Variants in RNF150 observed in about 807,000 individuals in gnomAD.
The protein encoded by RNF150 is ring finger protein 150.
A neutral mutation model predicts 39.3 loss-of-function variants in RNF150; 24 were observed. The ratio of observed to expected loss-of-function variants is 0.61; its 90% CI spans 0.44 to 0.86. The LOEUF (loss-of-function observed/expected upper bound fraction) is 0.86. Among genes scored for constraint, RNF150 ranks in the 40% least tolerant of loss-of-function variants. The probability of loss-of-function intolerance (pLI) is 0.00; values close to 1 mark genes in which losing one functional copy is unlikely to be tolerated. For missense variants in RNF150, 502 were observed against 587.8 expected (o/e 0.85, Z 1.51); for synonymous variants, 255 against 227.3 (o/e 1.12, Z -1.10).
intron 1 of RNF150, among the ~76,000 whole-genome samples, chr4:140,971,897 C>G (rs1380059362): frequency 6.6e-6 from 1 of 152,066 alleles, no homozygotes; most frequent in Non-Finnish European, 1.5e-5. Flanking sequence ...TCCCTGGGAC[C>G]CTGGAGAGTG....
intron 1 of RNF150, among the ~76,000 whole-genome samples, chr4:141,038,898 G>A (rs1268511286): frequency 6.6e-6 from 1 of 152,070 alleles, no homozygotes; most frequent in Non-Finnish European, 1.5e-5. Flanking sequence ...GAGCAGATAG[G>A]AGCAATAGCC....
At position 140,949,674 on chromosome 4, in the gene RNF150, A is replaced by ACC. The variant is rs376036137; in HGVS notation, c.736-304_736-303dup. On this transcript the variant is annotated intron_variant, in intron 2 of 6. Transcript: ENST00000515673. Reference sequence around the variant, plus strand: ...AGTGCAGGTTATATGTGCATACACTACCCCCCCCCAAAAAAAAATGAGTTT... The same window carrying ACC: ...AGTGCAGGTTATATGTGCATACACTACCCCCCCCCCCAAAAAAAAATGAGTTT... Among the ~76,000 whole-genome samples the ACC allele has an allele frequency of 4.0e-3, 420 of 104,742 alleles. 1 individual carries two copies. Among genetic ancestry groups the ACC allele is most frequent in the Admixed American group, 8.2e-3 (79 of 9,578 alleles). The allele number at this position is 104,742 out of a possible 152,430, so 68.7% of individuals were successfully genotyped here. A position where few individuals can be genotyped will look rare whatever the true frequency, so the allele number is the denominator to read the frequency against.
At chr4:141,202,151 C>T (rs1198564409) in intron 1 of RNF150, among the ~76,000 whole-genome samples, 1 of 152,062 alleles carries the variant, frequency 6.6e-6, no homozygotes, top group Non-Finnish European at 1.5e-5. Context: ...GTTATAACAG[C>T]ACAAATGGAG....
At chr4:140,919,652 C>T in intron 5 of RNF150, among the ~76,000 whole-genome samples, 1 of 150,438 alleles carries the variant, frequency 6.6e-6, no homozygotes, top group East Asian at 2.0e-4. Flanking sequence ...CATCAAGCTA[C>T]CAATGACTTT....
intron 6 of RNF150, among the ~76,000 whole-genome samples, chr4:140,876,950 A>C (rs1176731763): frequency 6.6e-6 from 1 of 152,256 alleles, no homozygotes; most frequent in African/African-American, 2.4e-5. Context: ...TTGCGGTCAA[A>C]TTAGGAAAAT....
At chr4:140,899,968 C>CTGTGTGTGTGTGTG (rs1216982458) in intron 6 of RNF150, among the ~76,000 whole-genome samples, 8 of 117,336 alleles carry the variant, frequency 6.8e-5, no homozygotes, top group African/African-American at 2.3e-4. Context: ...CTCTCTCTCT[C>CTGTGTGTGTGTGTG]TCTCTCTGTG....
intron 1 of RNF150, among the ~76,000 whole-genome samples, chr4:141,089,485 A>G (rs1738496106): frequency 6.6e-6 from 1 of 152,180 alleles, no homozygotes; most frequent in Non-Finnish European, 1.5e-5. Flanking sequence ...GTGACCGAAA[A>G]CTTACGACTT....
chr4:140,920,712 A>G (rs1411010650), intron 5 of RNF150, among the ~76,000 whole-genome samples: 1 of 152,180 alleles, frequency 6.6e-6, no homozygotes, highest in East Asian at 1.9e-4. Context: ...ATTATAAACC[A>G]TGCTGCTATA....
intron 1 of RNF150, among the ~76,000 whole-genome samples, chr4:141,055,899 C>G (rs546806924): frequency 6.6e-6 from 1 of 152,262 alleles, no homozygotes; most frequent in Non-Finnish European, 1.5e-5. Context: ...TATTCATATA[C>G]CCCACACACA....
chr4:141,029,544 T>C (rs1006051816), intron 1 of RNF150, among the ~76,000 whole-genome samples: 2 of 152,216 alleles, frequency 1.3e-5, no homozygotes, highest in African/African-American at 2.4e-5. Flanking sequence ...TTGAAAGCAT[T>C]GCCCTTACTA....
chr4:141,030,341 A>G (rs1735891803), intron 1 of RNF150, among the ~76,000 whole-genome samples: 1 of 152,150 alleles, frequency 6.6e-6, no homozygotes, highest in African/African-American at 2.4e-5. Flanking sequence ...AAAAACATGT[A>G]CACTGTTGAT....
intron 1 of RNF150, among the ~76,000 whole-genome samples, chr4:141,125,477 G>T (rs1726723905): frequency 6.6e-6 from 1 of 152,116 alleles, no homozygotes; most frequent in African/African-American, 2.4e-5. Context: ...CAATCTCTCA[G>T]CAACAAGTAA....
chr4:141,073,015 C>T (rs1444186906), intron 1 of RNF150, among the ~76,000 whole-genome samples: 1 of 151,972 alleles, frequency 6.6e-6, no homozygotes, highest in African/African-American at 2.4e-5. Flanking sequence ...GAGGAAGTAC[C>T]CACACAAGTT....
At chr4:141,159,603 C>T (rs1190865782) in intron 1 of RNF150, among the ~76,000 whole-genome samples, 17 of 152,100 alleles carry the variant, frequency 1.1e-4, no homozygotes, top group East Asian at 1.9e-4. Flanking sequence ...AGTGCAGTGG[C>T]GCAATCATGG....
intron 1 of RNF150, among the ~76,000 whole-genome samples, chr4:141,144,011 A>C (rs752315212): frequency 6.6e-6 from 1 of 152,126 alleles, no homozygotes; most frequent in African/African-American, 2.4e-5. Context: ...CTTGCTTTTT[A>C]TACTCTCTGC....
chr4:140,880,528 GTGTCC>G (rs1331485586), intron 6 of RNF150, among the ~76,000 whole-genome samples: 1 of 149,832 alleles, frequency 6.7e-6, no homozygotes, highest in African/African-American at 2.4e-5. Context: ...TAGTTTAGAA[GTGTCC>G]CCTCCTCTCC....
intron 1 of RNF150, among the ~76,000 whole-genome samples, chr4:141,068,560 A>T (rs556990795): frequency 6.6e-6 from 1 of 151,842 alleles, no homozygotes; most frequent in Non-Finnish European, 1.5e-5. Context: ...TTGGTTCCAT[A>T]TGAACTTTAA....
intron 1 of RNF150, among the ~76,000 whole-genome samples, chr4:141,203,935 A>C (rs1302965261): frequency 6.6e-6 from 1 of 152,086 alleles, no homozygotes; most frequent in South Asian, 2.1e-4. Context: ...TTTTGGAAAG[A>C]TGAGTAGGAC....
At chr4:140,965,144 T>C (rs190662641) in intron 2 of RNF150, among the ~76,000 whole-genome samples, 28 of 152,218 alleles carry the variant, frequency 1.8e-4, no homozygotes, top group African/African-American at 6.3e-4. Context: ...TCTTGGTCTA[T>C]AGAAAATCTT....
Sources: allele counts gnomAD v4.1 joint callset (sites outside exome capture counted in the v4.1 genomes callset), GRCh38; gene constraint gnomAD v4.1.1; transcripts MANE v1.5; gene names NCBI Gene and HGNC (gene_info 2026-07-23, HGNC 2026-07-21).